The following SV2C variants were observed in gnomAD, a reference collection of about 807,000 sequenced individuals.
SV2C encodes synaptic vesicle glycoprotein 2C, also known as solute carrier family 22 member B3.
SV2C carries 49 observed loss-of-function variants against 79.7 expected under a neutral mutation model. The ratio of observed to expected loss-of-function variants is 0.61; its 90% CI spans 0.49 to 0.78. The LOEUF is 0.78. Among genes scored for constraint, SV2C ranks in the 30% least tolerant of loss-of-function variants. The pLI, the probability that SV2C is intolerant of heterozygous loss-of-function variation, is 0.00. For missense variants in SV2C, 833 were observed against 912.9 expected, an observed-to-expected ratio of 0.91 and a Z score of 1.13; for synonymous variants, 334 against 333.2, an observed-to-expected ratio of 1.00 and a Z score of -0.03.
the SV2C span, among the ~76,000 whole-genome samples, chr5:76,014,665 C>T: frequency 6.6e-6 from 1 of 152,124 alleles, no homozygotes; most frequent in South Asian, 2.1e-4. Flanking sequence ...TGTGCGCACA[C>T]ACATGCATGG....
intron 12 of SV2C, among the ~76,000 whole-genome samples, chr5:76,352,812 A>G: frequency 6.6e-6 from 1 of 152,266 alleles, no homozygotes; most frequent in South Asian, 2.1e-4. Flanking sequence ...ACAGGTCTGT[A>G]TCTTAGTTTT....
the SV2C span, among the ~76,000 whole-genome samples, chr5:76,069,520 CTGGTGAGTATATCAGTCA>C: frequency 6.6e-6 from 1 of 152,186 alleles, no homozygotes; most frequent in Non-Finnish European, 1.5e-5. Flanking sequence ...CCCTGTGGTC[CTGGTGAGTATATCAGTCA>C]GGCAGCTTAT....
chr5:75,982,817 C>A, the SV2C span, among the ~76,000 whole-genome samples: 1 of 152,154 alleles, frequency 6.6e-6, no homozygotes, highest in Admixed American at 6.5e-5. Flanking sequence ...TTTGCAGGGA[C>A]ATGGATGGTG....
the SV2C span, among the ~76,000 whole-genome samples, chr5:75,953,329 G>T: frequency 1.3e-5 from 2 of 151,932 alleles, no homozygotes; most frequent in Admixed American, 6.6e-5. Flanking sequence ...AACACTGAGG[G>T]TCACATTTTG....
At chr5:76,269,959 T>A (rs1746788966) in intron 4 of SV2C, among the ~76,000 whole-genome samples, 1 of 152,142 alleles carries the variant, frequency 6.6e-6, no homozygotes, top group Non-Finnish European at 1.5e-5. Flanking sequence ...GCTAGGAACT[T>A]ATTTCTGAGC....
intron 2 of SV2C, among the ~76,000 whole-genome samples, chr5:76,142,625 C>A (rs1356435896): frequency 6.6e-6 from 1 of 152,122 alleles, no homozygotes; most frequent in East Asian, 1.9e-4. Flanking sequence ...GAAAATAATG[C>A]TCCAATTAAT....
chr5:76,039,998 G>T, the SV2C span, among the ~76,000 whole-genome samples: 18 of 152,082 alleles, frequency 1.2e-4, no homozygotes, highest in African/African-American at 4.3e-4. Context: ...TAATAGTAAT[G>T]GCATCTTTTA....
chr5:76,052,960 C>A, the SV2C span, among the ~76,000 whole-genome samples: 2,675 of 151,534 alleles, frequency 0.018, 40 homozygotes, highest in South Asian at 0.048. Flanking sequence ...TTTTAAAAAA[C>A]ATTATAACAA....
the SV2C span, among the ~76,000 whole-genome samples, chr5:76,020,177 A>C: frequency 2.6e-5 from 4 of 152,176 alleles, no homozygotes; most frequent in Admixed American, 6.5e-5. Flanking sequence ...TTTGGATGTG[A>C]GAATGGAAGA....
intron 2 of SV2C, among the ~76,000 whole-genome samples, chr5:76,185,707 A>G (rs1342359787): frequency 2.6e-5 from 4 of 152,234 alleles, no homozygotes; most frequent in African/African-American, 9.6e-5. Context: ...CAGCCGGTGA[A>G]ACAATTTTTC....
chr5:76,005,668 C>G, the SV2C span, among the ~76,000 whole-genome samples: 1 of 152,146 alleles, frequency 6.6e-6, no homozygotes, highest in African/African-American at 2.4e-5. Context: ...CAGAAAAACA[C>G]TCTGCTGAGG....
chr5:76,234,235 T>C (rs1398474070), intron 4 of SV2C, among the ~76,000 whole-genome samples: 2 of 152,194 alleles, frequency 1.3e-5, no homozygotes, highest in African/African-American at 4.8e-5. Flanking sequence ...CACACAGCAA[T>C]TTAATATTTT....
chr5:75,918,817 A>G, the SV2C span, among the ~76,000 whole-genome samples: 463 of 152,362 alleles, frequency 3.0e-3, 10 homozygotes, highest in East Asian at 0.038. Context: ...ATGCAGAAGA[A>G]CAAGCATATT....
At chr5:76,073,503 GTATATATATATATATATATATA>G in the SV2C span, among the ~76,000 whole-genome samples, 229 of 67,452 alleles carry the variant, frequency 3.4e-3, 1 homozygote, top group Middle Eastern at 9.3e-3. Context: ...GTATGTGTGT[GTATATATATATATATATATATA>G]TATATATATA....
rs558649492 is a variant in SV2C, at chr5:76,100,662, G to A, written c.-102+17150G>A. 7.6e-4 allele frequency among the ~76,000 whole-genome samples: 116 copies of A among 152,166 alleles called. 1 individual carries two copies. The highest frequency in any genetic ancestry group is 2.8e-3 in the Admixed American group (43 of 15,290). ...TCAATAAGCATGCATACCTGTGAGGGAGAGCTCAGACAAGTTGTCTATCAG... is the reference window on the plus strand; with the variant it reads ...TCAATAAGCATGCATACCTGTGAGGAAGAGCTCAGACAAGTTGTCTATCAG... On this transcript the variant is annotated intron_variant, in intron 1 of 12. Coordinates refer to ENST00000502798, the MANE Select transcript of SV2C (RefSeq NM_014979.4).
At chr5:76,181,104 T>C (rs1436332561) in intron 2 of SV2C, among the ~76,000 whole-genome samples, 2 of 145,070 alleles carry the variant, frequency 1.4e-5, no homozygotes, top group East Asian at 2.1e-4. Flanking sequence ...GCCATCCCCC[T>C]ACCTGTTCAA....
At chr5:76,274,439 T>C (rs1746962028) in intron 4 of SV2C, among the ~76,000 whole-genome samples, 1 of 152,164 alleles carries the variant, frequency 6.6e-6, no homozygotes, top group Non-Finnish European at 1.5e-5. Context: ...TTTATGTATA[T>C]ATATAAAAAC....
intron 4 of SV2C, among the ~76,000 whole-genome samples, chr5:76,240,922 C>G (rs1249240309): frequency 6.6e-6 from 1 of 152,202 alleles, no homozygotes; most frequent in African/African-American, 2.4e-5. Context: ...ATTAGATCCA[C>G]TATTATTAAA....
chr5:75,855,160 T>C, the SV2C span, among the ~76,000 whole-genome samples: 1 of 152,174 alleles, frequency 6.6e-6, no homozygotes, highest in African/African-American at 2.4e-5. Flanking sequence ...AAATTCCTGC[T>C]GGAATTTTGA....
Sources: gnomAD v4.1 joint callset for allele counts (sites outside exome capture counted in the v4.1 genomes callset) on GRCh38, gnomAD v4.1.1 for gene constraint, MANE v1.5 for transcripts, NCBI Gene and HGNC (gene_info 2026-07-23, HGNC 2026-07-21) for gene names.